Variants in TULP3 observed in about 807,000 individuals in gnomAD.
TULP3 encodes the protein TUB like protein 3.
TULP3 carries 38 observed loss-of-function variants against 50.7 expected under a neutral mutation model. The observed-to-expected ratio is 0.75, with a 90% CI of 0.58 to 0.98. The LOEUF is 0.98. Ranked by LOEUF, TULP3 falls within the 50% of genes least tolerant of loss-of-function variation. TULP3 has a pLI of 0.00. For synonymous variants in TULP3, 183 were observed against 196.6 expected, an observed-to-expected ratio of 0.93 and a Z score of 0.58; for missense variants, 550 against 568.0, an observed-to-expected ratio of 0.97 and a Z score of 0.32.
intron 2 of TULP3, among the ~76,000 whole-genome samples, chr12:2,918,927 C>G (rs2098190200): frequency 6.7e-6 from 1 of 150,284 alleles, no homozygotes; most frequent in African/African-American, 2.5e-5. Context: ...GAGTCTTGCT[C>G]TGTCACCCAG....
At position 2,916,496 on chromosome 12, in the gene TULP3, TTAAG is replaced by T. The variant is rs2098188778; in HGVS notation, c.94-4265_94-4262del. 2.0e-5 allele frequency among the ~76,000 whole-genome samples: 3 copies of T among 152,334 alleles called. No homozygotes were observed. The South Asian group carries it at 6.2e-4, about 32-fold the overall frequency. ...AGATAATTAGGAAATTTAAAAGTGA[TTAAG>T]TTTTAGTTTATATGACACTTAAAAT... On this transcript the variant is annotated intron_variant, in intron 2 of 10. Transcript: ENST00000448120.
At chr12:2,907,851 G>C (rs2098183259) in intron 1 of TULP3, among the ~76,000 whole-genome samples, 1 of 152,136 alleles carries the variant, frequency 6.6e-6, no homozygotes, top group South Asian at 2.1e-4. Flanking sequence ...GGGGCACAAA[G>C]TCAAGGCCAG....
At chr12:2,920,459 T>G (rs968839786) in intron 2 of TULP3, among the ~76,000 whole-genome samples, 1 of 151,716 alleles carries the variant, frequency 6.6e-6, no homozygotes, top group African/African-American at 2.4e-5. Context: ...CAGTGAGCTG[T>G]GATGGTGCCA....
At chr12:2,900,186 G>A (rs1028419284) in intron 1 of TULP3, among the ~76,000 whole-genome samples, 10 of 152,154 alleles carry the variant, frequency 6.6e-5, no homozygotes, top group African/African-American at 2.4e-4. Context: ...TCGCGCCACT[G>A]TACTCCAGCC....
rs2098177443 is a variant in TULP3, at chr12:2,899,337, C to A, written c.41+8349C>A. Among the ~76,000 whole-genome samples, 11 of 119,210 alleles carry A rather than the reference C, an allele frequency of 9.2e-5. No individual in the cohort carries two copies. The South Asian group carries it at 3.1e-3, about 34-fold the overall frequency. The allele number at this position is 119,210 out of a possible 152,430, so 78.2% of individuals were successfully genotyped here. On this transcript the variant is annotated intron_variant, in intron 1 of 10. Coordinates refer to ENST00000448120, the MANE Select transcript of TULP3 (RefSeq NM_003324.5). ...TCCAGCCTGGGCAACAAGAGCGAAA[C>A]GACGTCTCAAAAAAAAAAAAAAAAA... is the stretch of plus-strand genomic sequence containing the variant.
At chr12:2,924,948 C>T (rs756749843) in intron 4 of TULP3, among the ~76,000 whole-genome samples, 2 of 152,110 alleles carry the variant, frequency 1.3e-5, no homozygotes, top group East Asian at 3.9e-4. Flanking sequence ...GAGGCCGACA[C>T]GGGCGGATCA....
chr12:2,922,379 T>C lies in TULP3; in HGVS notation c.371T>C (p.Leu124Pro), dbSNP rs1259493178. Reference protein sequence around the residue: ...NTVDTASKPGLQERLQKHDIS... With the variant: ...NTVDTASKPGPQERLQKHDIS... ...GTGGATACTGCTTCCAAGCCAGGACTTCAGGAGCGTCTCCAAAAGCATGGT... is the reference window on the plus strand; with the variant it reads ...GTGGATACTGCTTCCAAGCCAGGACCTCAGGAGCGTCTCCAAAAGCATGGT... Residue 124 changes from leucine to proline, a missense_variant, in exon 4 of 11, where the codon CTT (leucine) becomes CCT (proline). Coordinates refer to ENST00000448120, the MANE Select transcript of TULP3 (RefSeq NM_003324.5). The C allele has an allele frequency of 1.2e-6, 2 of 1,613,586 alleles. No individual in the cohort carries two copies. The highest frequency in any genetic ancestry group is 1.1e-5 in the South Asian group (1 of 90,938).
At chr12:2,913,244 T>C (rs1351719630) in intron 2 of TULP3, among the ~76,000 whole-genome samples, 2 of 106,576 alleles carry the variant, frequency 1.9e-5, no homozygotes, top group Non-Finnish European at 3.7e-5. Context: ...TGTGGTGGCC[T>C]TTTATTTTTT....
intron 4 of TULP3, among the ~76,000 whole-genome samples, chr12:2,928,042 A>T (rs887735041): frequency 1.3e-5 from 2 of 152,188 alleles, no homozygotes; most frequent in African/African-American, 4.8e-5. Flanking sequence ...CAGATTATAT[A>T]CTCCATGAAC....
At chr12:2,909,647 C>A in intron 2 of TULP3, 67 bp downstream of exon 2, 1 of 1,467,594 alleles carries the variant, frequency 6.8e-7, no homozygotes, top group Non-Finnish European at 9.3e-7. Context: ...ATGGTCTTGG[C>A]TCTGAAGCCT....
At chr12:2,915,076 C>A (rs955918751) in intron 2 of TULP3, among the ~76,000 whole-genome samples, 2 of 152,080 alleles carry the variant, frequency 1.3e-5, no homozygotes, top group Non-Finnish European at 2.9e-5. Flanking sequence ...GCAACCTCTG[C>A]CTCTCGGGTT....
chr12:2,905,437 G>A (rs892093805), intron 1 of TULP3, among the ~76,000 whole-genome samples: 2 of 151,996 alleles, frequency 1.3e-5, no homozygotes, highest in African/African-American at 4.8e-5. Context: ...ACCTGCCTCC[G>A]CCTCCCAAAG....
intron 3 of TULP3, 109 bp downstream of exon 3, chr12:2,921,031 T>C (rs1290276950): frequency 7.9e-7 from 1 of 1,263,982 alleles, no homozygotes; most frequent in African/African-American, 1.5e-5. Flanking sequence ...GCACCATTAC[T>C]AGGTACCTTC....
At chr12:2,895,150 A>G (rs2098174740) in intron 1 of TULP3, among the ~76,000 whole-genome samples, 1 of 152,176 alleles carries the variant, frequency 6.6e-6, no homozygotes, top group African/African-American at 2.4e-5. Flanking sequence ...GGTACTTGCA[A>G]AATCAGGAGG....
chr12:2,924,026 C>T (rs1038671571), intron 4 of TULP3, among the ~76,000 whole-genome samples: 2 of 152,122 alleles, frequency 1.3e-5, no homozygotes, highest in East Asian at 1.9e-4. Context: ...TGTTTGAGTA[C>T]ATACCATATC....
chr12:2,903,208 AT>A (rs978106465), intron 1 of TULP3, among the ~76,000 whole-genome samples: 2 of 152,208 alleles, frequency 1.3e-5, no homozygotes, highest in African/African-American at 4.8e-5. Flanking sequence ...TGAAAAAAAA[AT>A]TACCAAAATG....
chr12:2,917,739 C>T (rs144427695), intron 2 of TULP3, among the ~76,000 whole-genome samples: 2,265 of 150,274 alleles, frequency 0.015, 41 homozygotes, highest in Middle Eastern at 0.047. Flanking sequence ...TAGCCGGGCG[C>T]GGTGCCGGAC....
In TULP3 at chr12:2,940,719, G is replaced by A; in HGVS notation, c.*1275G>A. On this transcript the variant is annotated 3_prime_UTR_variant, in exon 11 of 11. Transcript: ENST00000448120. Reference sequence around the variant, plus strand: ...GTTGTTCCTGCACCACATCAGATAAGCATGTGAAGGAGGGCCAACTGGCAG... The same window carrying A: ...GTTGTTCCTGCACCACATCAGATAAACATGTGAAGGAGGGCCAACTGGCAG... The A allele has an allele frequency of 5.8e-6, 9 of 1,549,742 alleles. No individual in the cohort carries two copies. The highest frequency in any genetic ancestry group is 7.9e-6 in the Non-Finnish European group (9 of 1,145,928).
chr12:2,891,808 C>T (rs1007843403), intron 1 of TULP3, among the ~76,000 whole-genome samples: 2 of 152,128 alleles, frequency 1.3e-5, no homozygotes, highest in Admixed American at 6.6e-5. Context: ...ATCCCCAGCA[C>T]TTTGGGAGGC....
Sources: gnomAD v4.1 joint callset for allele counts (sites outside exome capture counted in the v4.1 genomes callset) on GRCh38, gnomAD v4.1.1 for gene constraint, MANE v1.5 for transcripts, NCBI Gene and HGNC (gene_info 2026-07-23, HGNC 2026-07-21) for gene names.